The following NBPF11 variants were observed in gnomAD, a reference collection of about 807,000 sequenced individuals.
The protein encoded by NBPF11 is NBPF member 11, also known as NBPF family member NBPF11.
Under a neutral mutation model 93.9 loss-of-function variants are expected in NBPF11, and 72 were observed. The observed-to-expected ratio is 0.77, with a 90% CI of 0.63 to 0.93. The LOEUF is 0.93. Among genes scored for constraint, NBPF11 ranks in the 40% least tolerant of loss-of-function variants. The pLI, the probability that NBPF11 is intolerant of heterozygous loss-of-function variation, is 0.00. For missense variants in NBPF11, 705 were observed against 802.2 expected (o/e 0.88, Z 1.46); for synonymous variants, 224 against 304.9 (o/e 0.73, Z 2.76).
intron 2 of NBPF11, among the ~76,000 whole-genome samples, chr1:148,140,380 A>T (rs1671984639): frequency 6.6e-6 from 1 of 151,798 alleles, no homozygotes; most frequent in Non-Finnish European, 1.5e-5. Context: ...TCTTAAATAC[A>T]AAACCAAAAG....
chr1:148,137,230 T>C (rs1671449999), intron 3 of NBPF11, among the ~76,000 whole-genome samples: 1 of 151,888 alleles, frequency 6.6e-6, no homozygotes, highest in Admixed American at 6.5e-5. Context: ...GAAGATGAAG[T>C]CAGAGAAGGT....
intron 8 of NBPF11, 81 bp downstream of exon 8, chr1:148,122,648 C>G (rs1280734689): frequency 1.7e-5 from 27 of 1,582,500 alleles, no homozygotes; most frequent in African/African-American, 1.1e-4. Flanking sequence ...TTTGGCCCAT[C>G]ATAGATGCCA....
chr1:148,147,854 G>A lies in NBPF11; in HGVS notation c.-549+3896C>T, dbSNP rs1263393340. Reference sequence around the variant, plus strand: ...CGGCCCCTCCTGTCTCTACTGCCTGGGCCACTGGCAGAGTCACACCTGCCA... The same window carrying A: ...CGGCCCCTCCTGTCTCTACTGCCTGAGCCACTGGCAGAGTCACACCTGCCA... On this transcript the variant is annotated intron_variant, in intron 1 of 23. Transcript: ENST00000682118. Among the ~76,000 whole-genome samples the A allele has an allele frequency of 7.9e-5, 12 of 151,980 alleles. 1 individual carries two copies. Among genetic ancestry groups the A allele is most frequent in the African/African-American group, 2.7e-4 (11 of 41,284 alleles).
intron 1 of NBPF11, chr1:148,146,984 C>T (rs1185744958): frequency 6.2e-5 from 89 of 1,430,782 alleles, no homozygotes; most frequent in Non-Finnish European, 6.0e-5. Context: ...GGCGGGGGGC[C>T]GGGGGGCGGG....
At chr1:148,131,017 T>C (rs1471639866) in intron 4 of NBPF11, among the ~76,000 whole-genome samples, 1 of 151,856 alleles carries the variant, frequency 6.6e-6, no homozygotes, top group Non-Finnish European at 1.5e-5. Context: ...CACTTATTAT[T>C]GGACATTTCT....
chr1:148,125,290 C>T (rs1209166491), intron 5 of NBPF11, among the ~76,000 whole-genome samples: 3 of 151,920 alleles, frequency 2.0e-5, no homozygotes, highest in East Asian at 1.9e-4. Flanking sequence ...AGGTCTGACT[C>T]TGAATGCGGG....
chr1:148,115,738 G>T (rs1163216355), intron 14 of NBPF11, 55 bp downstream of exon 14: 3 of 1,365,406 alleles, frequency 2.2e-6, no homozygotes, highest in Non-Finnish European at 3.1e-6. Context: ...TGTCTTCAGA[G>T]TTTATCTTCC....
Position 148,122,186 on chromosome 1 carries a change from C to A in NBPF11, c.647G>T (p.Gly216Val). Residue 216 changes from glycine to valine, a missense_variant, in exon 9 of 24, where the codon GGC (glycine) becomes GTC (valine). This residue lies in a region of NBPF11 where 262 missense variants were observed against 223.1 expected (regional missense o/e 1.17). Transcript: ENST00000682118. Reference protein sequence around the residue: ...ECAITCSNSHGPCDSIQPHKN... With the variant: ...ECAITCSNSHVPCDSIQPHKN... ...GTGAGGCTGGATGGAGTCACAAGGG[C>A]CGTGGCTATTTGAACAAGTGATGGC... 2 of 1,612,724 alleles carry A rather than the reference C, an allele frequency of 1.2e-6. No individual in the cohort carries two copies. The highest frequency in any genetic ancestry group is 1.1e-5 in the South Asian group (1 of 91,020).
intron 2 of NBPF11, among the ~76,000 whole-genome samples, chr1:148,141,007 C>A (rs1454177638): frequency 1.3e-5 from 2 of 151,956 alleles, no homozygotes; most frequent in Non-Finnish European, 2.9e-5. Context: ...CATGAAAAGG[C>A]GTGGAGGAAC....
intron 2 of NBPF11, among the ~76,000 whole-genome samples, chr1:148,142,195 A>C (rs1329291148): frequency 2.0e-5 from 3 of 151,738 alleles, no homozygotes; most frequent in African/African-American, 4.9e-5. Context: ...GGAAATGAAC[A>C]AATTTACATG....
At position 148,118,625 on chromosome 1, in the gene NBPF11, C is replaced by A; in HGVS notation, c.1086G>T (p.Glu362Asp). 2 of 1,612,234 alleles carry A rather than the reference C, an allele frequency of 1.2e-6. No individual in the cohort carries two copies. Among genetic ancestry groups the A allele is most frequent in the Non-Finnish European group, 1.7e-6 (2 of 1,179,534 alleles). The change falls in exon 11 of 24, where the codon GAG becomes GAT. Residue 362 changes from glutamate to aspartate, a missense_variant. By Grantham distance (45) the Glu-to-Asp change is conservative. Coordinates refer to ENST00000682118, the MANE Select transcript of NBPF11 (RefSeq NM_001385469.3). ...KLAEQLKQAEELRQYKVLVHS... is the reference protein window; with the variant it reads ...KLAEQLKQAEDLRQYKVLVHS... Reference sequence around the variant, plus strand: ...CCCCCATGGGGTCCCCTCACCTGAGCTCCTCAGCTTGCTTCAGCTGCTCTG... The same window carrying A: ...CCCCCATGGGGTCCCCTCACCTGAGATCCTCAGCTTGCTTCAGCTGCTCTG...
chr1:148,149,021 GGAGCCT>G (rs1263446813), intron 1 of NBPF11: 1 of 684,458 alleles, frequency 1.5e-6, no homozygotes, highest in Admixed American at 2.6e-5. Flanking sequence ...GGACTGGTGT[GGAGCCT>G]GAGCCTGACC....
chr1:148,130,950 C>T (rs1670222345), intron 4 of NBPF11, among the ~76,000 whole-genome samples: 1 of 151,838 alleles, frequency 6.6e-6, no homozygotes, highest in African/African-American at 2.4e-5. Flanking sequence ...TCTGTAATGT[C>T]TTGTAAATAC....
In NBPF11 at chr1:148,102,495, A is replaced by G. The variant is rs1296004763; in HGVS notation, c.*1401T>C. On this transcript the variant is annotated 3_prime_UTR_variant, in exon 24 of 24. Coordinates refer to ENST00000682118, the MANE Select transcript of NBPF11 (RefSeq NM_001385469.3). ...TAACCAAGTAACCAGTCCTGATATC[A>G]TAATGGTGTTGGACAAACTAGACCT... The G allele has an allele frequency of 6.6e-6, 1 of 151,856 alleles. No homozygotes were observed. The highest frequency in any genetic ancestry group is 1.5e-5 in the Non-Finnish European group (1 of 68,040). 9.4% of individuals were successfully genotyped at this position (151,856 alleles called of 1,614,324 possible). A position where few individuals can be genotyped will look rare whatever the true frequency, so the allele number is the denominator to read the frequency against.
intron 6 of NBPF11, 69 bp from the exon 7 acceptor site, chr1:148,124,136 G>C (rs1264606684): frequency 1.3e-6 from 2 of 1,570,230 alleles, no homozygotes. Flanking sequence ...TATTGCAACA[G>C]AGATTTCTGA....
chr1:148,121,203 A>C (rs587730489), intron 9 of NBPF11, among the ~76,000 whole-genome samples: 1,753 of 151,512 alleles, frequency 0.012, 62 homozygotes, highest in African/African-American at 0.041. Flanking sequence ...AAGTAACATG[A>C]CAGCTAATTT....
chr1:148,118,480 T>A (rs1334325241), intron 11 of NBPF11, 140 bp downstream of exon 11: 4 of 735,982 alleles, frequency 5.4e-6, no homozygotes, highest in African/African-American at 3.5e-5. Flanking sequence ...GTTTGATAAA[T>A]ATTTGTGTGT....
chr1:148,138,275 C>T (rs1192828120), intron 2 of NBPF11, among the ~76,000 whole-genome samples: 8 of 150,746 alleles, frequency 5.3e-5, no homozygotes, highest in South Asian at 2.1e-4. Flanking sequence ...GGCTTTACAC[C>T]GAGACATTCC....
intron 12 of NBPF11, among the ~76,000 whole-genome samples, chr1:148,117,122 T>C (rs1161822914): frequency 6.6e-6 from 1 of 151,936 alleles, no homozygotes; most frequent in Non-Finnish European, 1.5e-5. Context: ...TGTTCCCACA[T>C]TTGAATGCTT....
Sources: allele counts gnomAD v4.1 joint callset (sites outside exome capture counted in the v4.1 genomes callset), GRCh38; gene constraint gnomAD v4.1.1; regional missense constraint gnomAD v4.1.1; transcripts MANE v1.5; gene names NCBI Gene and HGNC (gene_info 2026-07-23, HGNC 2026-07-21).